Variants in CARD14 observed in about 807,000 individuals in gnomAD.
The protein encoded by CARD14 is caspase recruitment domain-containing protein 14.
Under a neutral mutation model 111.5 loss-of-function variants are expected in CARD14, and 107 were observed. The observed-to-expected ratio is 0.96, with a 90% CI of 0.82 to 1.13. The LOEUF is 1.13. CARD14 is among the 50% of genes most tolerant of loss of function. The pLI, the probability that CARD14 is intolerant of heterozygous loss-of-function variation, is 0.00. For synonymous variants in CARD14, 617 were observed against 579.6 expected (o/e 1.06, Z -0.93); for missense variants, 1,322 against 1,362.3 (o/e 0.97, Z 0.47).
chr17:80,171,140 G>A (rs969088289), intron 1 of CARD14, among the ~76,000 whole-genome samples: 1 of 131,732 alleles, frequency 7.6e-6, no homozygotes, highest in Non-Finnish European at 1.6e-5. Context: ...GGCTCCTGGC[G>A]CCTTCCCATT....
intron 20 of CARD14, 101 bp downstream of exon 20, chr17:80,204,442 C>A: frequency 2.6e-6 from 3 of 1,142,424 alleles, no homozygotes; most frequent in South Asian, 1.7e-5. Context: ...GGATGCCACT[C>A]ATTTAGGCCA....
intron 5 of CARD14, among the ~76,000 whole-genome samples, 172 bp downstream of exon 5, chr17:80,181,821 A>G (rs965378052): frequency 6.6e-6 from 1 of 152,286 alleles, no homozygotes; most frequent in African/African-American, 2.4e-5. Context: ...TGAAATCATT[A>G]ACTTATATCT....
intron 19 of CARD14, 128 bp from the exon 20 acceptor site, chr17:80,204,099 T>G: frequency 1.1e-6 from 1 of 946,054 alleles, no homozygotes; most frequent in South Asian, 1.7e-5. Context: ...CACCTCAGGC[T>G]GTTCTCAGAG....
chr17:80,189,830 G>A lies in CARD14; in HGVS notation c.921G>A (p.Ser307=), dbSNP rs753922155. The change falls in exon 9 of 24, where the codon TCG becomes TCA. Residue 307 remains serine (S), a synonymous_variant. Transcript: ENST00000648509. This position sits in a 1 kb window ranked among gnomAD's most constrained non-coding sequence, Gnocchi z 4.7. Reference sequence around the variant, plus strand: ...AGGAGCTGGTGGAGCGCATCCACTCGCTGCGGGAGCGGGCCGTGGCTGCCG... The same window carrying A: ...AGGAGCTGGTGGAGCGCATCCACTCACTGCGGGAGCGGGCCGTGGCTGCCG... ...SRQELVERIH[S]LRERAVAAER... is the part of the protein sequence containing the mutation. The A allele has an allele frequency of 1.9e-5, 30 of 1,586,550 alleles. No homozygotes were observed. The highest frequency in any genetic ancestry group is 4.1e-5 in the African/African-American group (3 of 72,416).
chr17:80,171,475 G>A (rs2039903646), intron 1 of CARD14, among the ~76,000 whole-genome samples: 1 of 151,834 alleles, frequency 6.6e-6, no homozygotes, highest in African/African-American at 2.4e-5. Flanking sequence ...GAGCCACTGT[G>A]CCCAGCCCTA....
At chr17:80,175,094 G>A (rs934181532) in intron 2 of CARD14, among the ~76,000 whole-genome samples, 2 of 151,716 alleles carry the variant, frequency 1.3e-5, no homozygotes, top group Non-Finnish European at 1.5e-5. Flanking sequence ...TTCCACCTCA[G>A]CCTCCCAAGT....
In CARD14 at chr17:80,208,215, G is replaced by A. The variant is rs34850974; in HGVS notation, c.2885G>A (p.Arg962Gln). Reference protein sequence around the residue: ...AARQEEGDLDRAPCLYSSLAP... With the variant: ...AARQEEGDLDQAPCLYSSLAP... ...AGGCAGGAGGAGGGAGACCTGGACC[G>A]GGCGCCCTGTCTATACAGCAGCCTG... The change falls in exon 24 of 24, where the codon CGG (arginine) becomes CAG (glutamine). Residue 962 changes from arginine to glutamine, a missense_variant. Physicochemically the swap from Arg to Gln is conservative, Grantham distance 43 (BLOSUM62 1). Coordinates refer to ENST00000648509, the MANE Select transcript of CARD14 (RefSeq NM_001366385.1). 8.0e-3 allele frequency: 12,507 copies of A among 1,559,890 alleles called. 884 individuals are homozygous for A. In the African/African-American group the frequency reaches 0.15, roughly 19 times the overall value.
rs1598647604 is a variant in CARD14 at position 80,187,773 on chromosome 17, C to T, written c.676-604C>T. Reference sequence around the variant, plus strand: ...ACGGGAAGAGGGCGGGCCCGTGGCTCGAGCTCCAAGTTTCTCTTGGGCTGC... The same window carrying T: ...ACGGGAAGAGGGCGGGCCCGTGGCTTGAGCTCCAAGTTTCTCTTGGGCTGC... On this transcript the variant is annotated intron_variant, in intron 7 of 23. Coordinates refer to ENST00000648509, the MANE Select transcript of CARD14 (RefSeq NM_001366385.1). 2.2e-5 allele frequency: 22 copies of T among 985,280 alleles called. No homozygotes were observed. In the South Asian group the frequency reaches 3.3e-4, roughly 15 times the overall value. 61.0% of individuals were successfully genotyped at this position (985,280 alleles called of 1,614,324 possible). A position where few individuals can be genotyped will look rare whatever the true frequency, so the allele number is the denominator to read the frequency against.
chr17:80,205,617 G>A lies in CARD14; in HGVS notation c.2656G>A (p.Val886Met). Reference sequence around the variant, plus strand: ...AGAGGTGTCCGGGGGCCGCTGCTGGGTGACCCGCCATGCTGTGGAGTCCCT... The same window carrying A: ...AGAGGTGTCCGGGGGCCGCTGCTGGATGACCCGCCATGCTGTGGAGTCCCT... ...EGEVSGGRCWVTRHAVESLME... is the reference protein window; with the variant it reads ...EGEVSGGRCWMTRHAVESLME... The change falls in exon 22 of 24, where the codon GTG becomes ATG. Residue 886 changes from valine to methionine, a missense_variant. Physicochemically the swap from Val to Met is conservative, Grantham distance 21. Coordinates refer to ENST00000648509, the MANE Select transcript of CARD14 (RefSeq NM_001366385.1). 1 of 1,566,142 alleles carries A rather than the reference G, an allele frequency of 6.4e-7. No homozygotes were observed. Among genetic ancestry groups the A allele is most frequent in the Admixed American group, 1.9e-5 (1 of 53,044 alleles).
chr17:80,197,334 ACCAGC>A (rs1251725031), intron 14 of CARD14: 1 of 152,294 alleles, frequency 6.6e-6, no homozygotes, highest in East Asian at 1.9e-4. Flanking sequence ...GGAGTTCGAG[ACCAGC>A]CTGGTCAACA....
intron 19 of CARD14, 168 bp from the exon 20 acceptor site, chr17:80,204,059 A>G: frequency 1.2e-6 from 1 of 811,642 alleles, no homozygotes; most frequent in East Asian, 2.7e-5. Context: ...GCCCCTGCCC[A>G]GCCTGCAGGC....
Position 80,198,732 on chromosome 17 carries a change from C to G in CARD14, c.1851+141C>G. On this transcript the variant is annotated intron_variant, in intron 16 of 23. Coordinates refer to ENST00000648509, the MANE Select transcript of CARD14 (RefSeq NM_001366385.1). The surrounding 1 kb of genome is among the most constrained non-coding windows in gnomAD (Gnocchi z 7.5). ...GGGCCTCTGCTCTTTCCTGGGCTGA[C>G]GTAAAGCGTTCTGCTCATTTATAGA... 1 of 1,555,694 alleles carries G rather than the reference C, an allele frequency of 6.4e-7. No homozygotes were observed. Among genetic ancestry groups the G allele is most frequent in the Non-Finnish European group, 8.7e-7 (1 of 1,152,954 alleles).
Position 80,198,231 on chromosome 17 carries a change from G to A in CARD14, c.1658+69G>A, listed in dbSNP as rs746514694. 80 of 1,588,250 alleles carry A rather than the reference G, an allele frequency of 5.0e-5. No individual in the cohort carries two copies. Among genetic ancestry groups the A allele is most frequent in the Non-Finnish European group, 6.3e-5 (73 of 1,157,990 alleles). ...GGGCCAGGGAGTGGCAGAGCAGAGG[G>A]TGAGTGTCCTATTACCAATGGGAGG... On this transcript the variant is annotated intron_variant, in intron 15 of 23. Coordinates refer to ENST00000648509, the MANE Select transcript of CARD14 (RefSeq NM_001366385.1). The surrounding 1 kb of genome is among the most constrained non-coding windows in gnomAD (Gnocchi z 7.5).
chr17:80,202,295 T>C lies in CARD14; in HGVS notation c.2094T>C (p.His698=), dbSNP rs145420791. The change falls in exon 18 of 24, where the codon CAT becomes CAC. Residue 698 remains histidine (H), a synonymous_variant. Coordinates refer to ENST00000648509, the MANE Select transcript of CARD14 (RefSeq NM_001366385.1). ...EGRAKGELQV[H]CNEVLHVTDT... ...GGGCCAAAGGGGAGCTGCAGGTGCA[T>C]TGCAACGAGGTCCTGCACGTCACCG... The C allele has an allele frequency of 1.3e-4, 209 of 1,613,608 alleles. No individual in the cohort carries two copies. Among genetic ancestry groups the C allele is most frequent in the Admixed American group, 2.7e-4 (16 of 60,002 alleles).
At chr17:80,179,477 C>A (rs1362488507) in intron 4 of CARD14, among the ~76,000 whole-genome samples, 176 bp downstream of exon 4, 1 of 152,196 alleles carries the variant, frequency 6.6e-6, no homozygotes, top group Non-Finnish European at 1.5e-5. Context: ...TGTAAAGCTG[C>A]TGTCTGCACG....
intron 7 of CARD14, among the ~76,000 whole-genome samples, chr17:80,184,477 G>A (rs1021034788): frequency 9.2e-5 from 14 of 152,176 alleles, no homozygotes; most frequent in African/African-American, 1.9e-4. Context: ...GTAGCTGCCC[G>A]TGGCCTGGCT....
intron 2 of CARD14, among the ~76,000 whole-genome samples, chr17:80,177,123 T>G (rs2040043952): frequency 6.6e-6 from 1 of 152,222 alleles, no homozygotes; most frequent in Non-Finnish European, 1.5e-5. Context: ...CTTGAGTTTC[T>G]AGTGTTGCCA....
In CARD14 at chr17:80,181,517, C is replaced by T. The variant is rs1244382718; in HGVS notation, c.79C>T (p.Arg27Cys). 6 of 1,589,860 alleles carry T rather than the reference C, an allele frequency of 3.8e-6. No homozygotes were observed. Among genetic ancestry groups the T allele is most frequent in the East Asian group, 2.3e-5 (1 of 43,504 alleles). ...ACTGTGGGAGATGATGGAGAGCCAC[C>T]GCCACAGGATCGTACGCTGCATCTG... ...ETLWEMMESH[R>C]HRIVRCICPS... is the part of the protein sequence containing the mutation. Residue 27 changes from arginine to cysteine, a missense_variant, in exon 5 of 24, where the codon CGC becomes TGC. Physicochemically the swap from Arg to Cys is radical, Grantham distance 180 (BLOSUM62 -3). Transcript: ENST00000648509.
intron 2 of CARD14, among the ~76,000 whole-genome samples, chr17:80,175,868 C>G (rs1052151882): frequency 9.9e-5 from 15 of 150,880 alleles, no homozygotes; most frequent in African/African-American, 3.6e-4. Flanking sequence ...CAGGGACCTC[C>G]TCAGCCCACC....
Sources: allele counts gnomAD v4.1 joint callset (sites outside exome capture counted in the v4.1 genomes callset), GRCh38; gene constraint gnomAD v4.1.1; non-coding constraint Gnocchi (gnomAD v3.1); transcripts MANE v1.5; gene names NCBI Gene and HGNC (gene_info 2026-07-23, HGNC 2026-07-21).